The following RRN3 variants were observed in gnomAD, a reference collection of about 807,000 sequenced individuals.
RRN3 encodes the protein RNA polymerase I transcription factor RRN3, also known as RNA polymerase I-specific transcription initiation factor RRN3.
In RRN3, 38 loss-of-function variants were observed where a neutral mutation model predicts 82.3. The observed-to-expected ratio is 0.46, with a 90% CI of 0.36 to 0.61. The LOEUF is 0.61. Among genes scored for constraint, RRN3 ranks in the 20% least tolerant of loss-of-function variants. The probability of loss-of-function intolerance (pLI) is 0.00; values close to 1 mark genes in which losing one functional copy is unlikely to be tolerated. For missense variants in RRN3, 726 were observed against 793.1 expected, an observed-to-expected ratio of 0.92 and a Z score of 1.02; for synonymous variants, 284 against 284.3, an observed-to-expected ratio of 1.00 and a Z score of 0.01.
chr16:15,073,566 G>C (rs1242656179), intron 11 of RRN3, among the ~76,000 whole-genome samples: 1 of 152,124 alleles, frequency 6.6e-6, no homozygotes, highest in Non-Finnish European at 1.5e-5. Flanking sequence ...CACCTGCAAG[G>C]AAGCAGGCCC....
chr16:15,086,550 TGGG>T, intron 3 of RRN3, 96 bp from the exon 4 acceptor site: 2 of 1,545,914 alleles, frequency 1.3e-6, no homozygotes, highest in South Asian at 2.5e-5. Context: ...AAGAATAGGT[TGGG>T]GGGAAAAGGT....
intron 1 of RRN3, 105 bp downstream of exon 1, chr16:15,094,040 T>C: frequency 9.9e-7 from 1 of 1,013,106 alleles, no homozygotes; most frequent in Non-Finnish European, 1.5e-6. Flanking sequence ...CCCGTGCTCC[T>C]ATCACACGCC....
rs781068032 is a variant in RRN3, at chr16:15,094,189, G to A, written c.45C>T (p.Ala15=). ...LLHTRLPGDA[A]ASSSAVKKLG... ...GCTTCTTAACTGCAGAGGACGAAGCGGCCGCATCTCCCGGCAAACGCGTGT... is the reference window on the plus strand; with the variant it reads ...GCTTCTTAACTGCAGAGGACGAAGCAGCCGCATCTCCCGGCAAACGCGTGT... Residue 15 remains alanine, a synonymous_variant, in exon 1 of 18, where the codon GCC becomes GCT. Coordinates refer to ENST00000198767, the MANE Select transcript of RRN3 (RefSeq NM_018427.5). 10 of 1,601,204 alleles carry A rather than the reference G, an allele frequency of 6.2e-6. No individual in the cohort carries two copies. Among genetic ancestry groups the A allele is most frequent in the Admixed American group, 3.4e-5 (2 of 58,070 alleles).
rs1411174389 is a variant in RRN3, at chr16:15,061,892, T to C, written c.1808A>G (p.Asp603Gly). 1 of 1,612,502 alleles carries C rather than the reference T, an allele frequency of 6.2e-7. No homozygotes were observed. Among genetic ancestry groups the C allele is most frequent in the Admixed American group, 1.7e-5 (1 of 60,018 alleles). The change falls in exon 18 of 18, where the codon GAT (aspartate) becomes GGT (glycine). Residue 603 changes from aspartate to glycine, a missense_variant. Physicochemically the swap from Asp to Gly is moderately conservative, Grantham distance 94. Around this residue, in one of 4 missense-constraint regions of RRN3, gnomAD observed 166 missense variants for 154.8 expected, o/e 1.07. Coordinates refer to ENST00000198767, the MANE Select transcript of RRN3 (RefSeq NM_018427.5). ...GCCTTTCAGAAAGTCATCATCTTCA[T>C]CTTCCACTATGTCCTGCAGAAACAT... ...KKPMKKDIVEDEDDDFLKGEV... is the reference protein window; with the variant it reads ...KKPMKKDIVEGEDDDFLKGEV...
chr16:15,080,793 G>A (rs1411797128), intron 8 of RRN3, among the ~76,000 whole-genome samples: 1 of 150,298 alleles, frequency 6.7e-6, no homozygotes. Flanking sequence ...AAAAAATGAA[G>A]ACCTTGGCAA....
In RRN3 at chr16:15,060,108, G is replaced by C. The variant is rs1567178296; in HGVS notation, c.*1636C>G. 3.0e-6 allele frequency: 1 copy of C among 335,988 alleles called. No individual in the cohort carries two copies. Among genetic ancestry groups the C allele is most frequent in the East Asian group, 1.0e-4 (1 of 9,928 alleles). 20.8% of individuals were successfully genotyped at this position (335,988 alleles called of 1,614,324 possible). On this transcript the variant is annotated 3_prime_UTR_variant, in exon 18 of 18. Transcript: ENST00000198767. ...ATGTCATTGTTTCATTTTCACCATG[G>C]ATTTTTTTTCACAAACTCCTTTGAA...
chr16:15,090,095 AGCTATTTGGGAG>A (rs1277707603), intron 3 of RRN3, among the ~76,000 whole-genome samples: 1 of 151,898 alleles, frequency 6.6e-6, no homozygotes, highest in African/African-American at 2.4e-5. Context: ...CTGTAATCTC[AGCTATTTGGGAG>A]GCTGAGGCAG....
chr16:15,068,809 T>C (rs1488394416), intron 14 of RRN3, among the ~76,000 whole-genome samples: 1 of 152,234 alleles, frequency 6.6e-6, no homozygotes, highest in Non-Finnish European at 1.5e-5. Flanking sequence ...TTTCTTAGAC[T>C]TAATGAATAT....
chr16:15,075,876 G>A (rs1182951215), intron 10 of RRN3, among the ~76,000 whole-genome samples: 2 of 152,080 alleles, frequency 1.3e-5, no homozygotes, highest in Admixed American at 6.6e-5. Flanking sequence ...GCTCACAGCC[G>A]CCTACTTTCT....
rs769161555 is a variant in RRN3 at position 15,086,230 on chromosome 16, G to A, written c.371C>T (p.Thr124Ile). 3 of 1,584,438 alleles carry A rather than the reference G, an allele frequency of 1.9e-6. No individual in the cohort carries two copies. The highest frequency in any genetic ancestry group is 2.6e-6 in the Non-Finnish European group (3 of 1,158,062). The change falls in exon 5 of 18, where the codon ACA becomes ATA. Residue 124 changes from threonine (T) to isoleucine (I), a missense_variant. Coordinates refer to ENST00000198767, the MANE Select transcript of RRN3 (RefSeq NM_018427.5). ...AAAAGCCAAATACTCTTCCACTACTGTTTGACTTCTATTCAACCAAGGCAA... is the reference window on the plus strand; with the variant it reads ...AAAAGCCAAATACTCTTCCACTACTATTTGACTTCTATTCAACCAAGGCAA... ...LRLPWLNRSQ[T>I]VVEEYLAFLG...
intron 9 of RRN3, among the ~76,000 whole-genome samples, chr16:15,079,061 C>T (rs1337605514): frequency 1.2e-4 from 18 of 152,256 alleles, no homozygotes; most frequent in African/African-American, 4.1e-4. Context: ...CCGCCCGCCT[C>T]GGCCTCCCAA....
intron 12 of RRN3, among the ~76,000 whole-genome samples, chr16:15,071,934 A>G (rs1293892582): frequency 1.3e-5 from 2 of 152,116 alleles, no homozygotes; most frequent in African/African-American, 2.4e-5. Context: ...GGAGCTCCAC[A>G]TGGGCACTCC....
chr16:15,073,162 C>T, intron 11 of RRN3, 82 bp from the exon 12 acceptor site: 2 of 1,475,194 alleles, frequency 1.4e-6, no homozygotes, highest in Non-Finnish European at 1.9e-6. Flanking sequence ...AAACACAACA[C>T]CATTAAAAAA....
At chr16:15,076,187 C>A (rs1597930041) in intron 10 of RRN3, among the ~76,000 whole-genome samples, 1 of 152,166 alleles carries the variant, frequency 6.6e-6, no homozygotes, top group African/African-American at 2.4e-5. Flanking sequence ...CTGAACCCAA[C>A]TTCAGATACC....
At chr16:15,063,718 A>G (rs1488656536) in intron 16 of RRN3, among the ~76,000 whole-genome samples, 1 of 151,106 alleles carries the variant, frequency 6.6e-6, no homozygotes. Flanking sequence ...AAAAAAAAAA[A>G]AAAAGAAAAA....
intron 13 of RRN3, among the ~76,000 whole-genome samples, chr16:15,070,710 T>C (rs546519600): frequency 1.3e-5 from 2 of 152,162 alleles, no homozygotes; most frequent in Admixed American, 1.3e-4. Context: ...CAAAGGTATC[T>C]TTATGGGCCA....
At chr16:15,071,546 T>C (rs1354485929) in intron 12 of RRN3, among the ~76,000 whole-genome samples, 1 of 152,116 alleles carries the variant, frequency 6.6e-6, no homozygotes, top group Non-Finnish European at 1.5e-5. Context: ...GGCGGGTGGA[T>C]CACCCAAGGT....
chr16:15,077,635 A>T (rs546911453), intron 9 of RRN3, among the ~76,000 whole-genome samples: 1 of 152,214 alleles, frequency 6.6e-6, no homozygotes, highest in South Asian at 2.1e-4. Flanking sequence ...AGGTCAGGAG[A>T]TTGAGACCAT....
At chr16:15,086,532 C>T in intron 3 of RRN3, 78 bp from the exon 4 acceptor site, 1 of 1,582,166 alleles carries the variant, frequency 6.3e-7, no homozygotes, top group East Asian at 2.3e-5. Context: ...TTATATCAAT[C>T]ATTTATCAAG....
Sources: gnomAD v4.1 joint callset for allele counts (sites outside exome capture counted in the v4.1 genomes callset) on GRCh38, gnomAD v4.1.1 for gene constraint, gnomAD v4.1.1 regional missense constraint, MANE v1.5 for transcripts, NCBI Gene and HGNC (gene_info 2026-07-23, HGNC 2026-07-21) for gene names.